The following ZNF512 variants were observed in gnomAD, a reference collection of about 807,000 sequenced individuals.
ZNF512 encodes the protein zinc finger protein 512.
A neutral mutation model predicts 77.5 loss-of-function variants in ZNF512; 25 were observed. The ratio of observed to expected loss-of-function variants is 0.32; its 90% CI spans 0.23 to 0.45. The LOEUF is 0.45. Among genes scored for constraint, ZNF512 ranks in the 20% least tolerant of loss-of-function variants. The pLI is 1.00. For synonymous variants in ZNF512, 246 were observed against 239.9 expected, an observed-to-expected ratio of 1.03 and a Z score of -0.24; for missense variants, 483 against 692.6, an observed-to-expected ratio of 0.70 and a Z score of 3.40.
chr2:27,602,924 A>G (rs1672184196), intron 8 of ZNF512, among the ~76,000 whole-genome samples: 1 of 152,210 alleles, frequency 6.6e-6, no homozygotes, highest in South Asian at 2.1e-4. Context: ...ATAGTTTATC[A>G]AGGGCTGACT....
intron 13 of ZNF512, 21 bp downstream of exon 13, chr2:27,617,592 TG>T (rs1384356366): frequency 1.1e-6 from 1 of 889,098 alleles, no homozygotes; most frequent in Non-Finnish European, 1.9e-6. Flanking sequence ...TGTAATCCTG[TG>T]GGCCTGATAT....
chr2:27,621,367 C>T lies in ZNF512; in HGVS notation c.1610C>T (p.Ser537Leu). The change falls in exon 14 of 14, where the codon TCA becomes TTA. Residue 537 changes from serine to leucine, a missense_variant. Transcript: ENST00000355467. ...AGGAATAATGAGGAACTGGTAGTGT[C>T]AGCCTCCTGTAAGGAACCAGAGCAG... ...QRRNNEELVV[S>L]ASCKEPEQEP... 1 of 1,614,118 alleles carries T rather than the reference C, an allele frequency of 6.2e-7. No individual in the cohort carries two copies. Among genetic ancestry groups the T allele is most frequent in the South Asian group, 1.1e-5 (1 of 91,068 alleles).
intron 13 of ZNF512, among the ~76,000 whole-genome samples, chr2:27,619,977 T>G (rs1053507604): frequency 1.3e-5 from 2 of 152,200 alleles, no homozygotes; most frequent in African/African-American, 4.8e-5. Context: ...TTTTCAGAGT[T>G]GATTTTTCAA....
intron 2 of ZNF512, 94 bp downstream of exon 2, chr2:27,583,810 T>G (rs1268467312): frequency 7.2e-7 from 1 of 1,393,492 alleles, no homozygotes; most frequent in African/African-American, 1.4e-5. Context: ...GTATCTGCAT[T>G]GTCCAGTATC....
In ZNF512 at chr2:27,599,761, T is replaced by C. The variant is rs1035016573; in HGVS notation, c.373+83T>C. 8.7e-6 allele frequency: 12 copies of C among 1,378,386 alleles called. No individual in the cohort carries two copies. In the East Asian group the frequency reaches 2.6e-4, roughly 30 times the overall value. 85.4% of individuals were successfully genotyped at this position (1,378,386 alleles called of 1,614,324 possible). A position where few individuals can be genotyped will look rare whatever the true frequency, so the allele number is the denominator to read the frequency against. On this transcript the variant is annotated intron_variant, in intron 4 of 13. Transcript: ENST00000355467. ...GGGTAAAGGAAAGAGAAGCCTTAGT[T>C]TGAGCCCTTCAGTGACCTCTGAGCC...
chr2:27,585,339 A>C (rs1671278965), intron 2 of ZNF512, among the ~76,000 whole-genome samples: 1 of 152,260 alleles, frequency 6.6e-6, no homozygotes, highest in Non-Finnish European at 1.5e-5. Flanking sequence ...ACAAGCTGAG[A>C]GTTTTAATGA....
intron 9 of ZNF512, among the ~76,000 whole-genome samples, chr2:27,603,922 A>T (rs369035228): frequency 9.3e-5 from 14 of 150,806 alleles, no homozygotes; most frequent in East Asian, 3.9e-4. Context: ...TTAATTAATT[A>T]ATTTATGTAT....
At chr2:27,612,278 A>G (rs1672699173) in intron 10 of ZNF512, among the ~76,000 whole-genome samples, 1 of 152,140 alleles carries the variant, frequency 6.6e-6, no homozygotes, top group Non-Finnish European at 1.5e-5. Context: ...ACTTTATGAC[A>G]TGATAAGACA....
intron 3 of ZNF512, among the ~76,000 whole-genome samples, chr2:27,598,796 T>C (rs1671985629): frequency 6.6e-6 from 1 of 152,168 alleles, no homozygotes; most frequent in African/African-American, 2.4e-5. Flanking sequence ...ATTTAGCATT[T>C]GATTTTCCTC....
chr2:27,597,172 T>C (rs781527815), intron 2 of ZNF512, among the ~76,000 whole-genome samples: 1 of 152,232 alleles, frequency 6.6e-6, no homozygotes, highest in Non-Finnish European at 1.5e-5. Flanking sequence ...TCTCTATGTG[T>C]AATTCTTATT....
chr2:27,620,587 A>T (rs886480532), intron 13 of ZNF512, among the ~76,000 whole-genome samples: 1 of 152,144 alleles, frequency 6.6e-6, no homozygotes, highest in Admixed American at 6.5e-5. Flanking sequence ...GGCTTTTCCT[A>T]TGAATTGGTA....
At chr2:27,610,544 G>GTGTGTGCATATATATATATATATA (rs1413007886) in intron 10 of ZNF512, among the ~76,000 whole-genome samples, 1 of 32,654 alleles carries the variant, frequency 3.1e-5, no homozygotes, top group African/African-American at 1.5e-4. Context: ...ATATGTGTGT[G>GTGTGTGCATATATATATATATATA]TATATATATA....
At chr2:27,595,303 CT>C (rs1296299471) in intron 2 of ZNF512, among the ~76,000 whole-genome samples, 283 of 134,032 alleles carry the variant, frequency 2.1e-3, no homozygotes, top group Admixed American at 3.6e-3. Flanking sequence ...CTTTTCTTTT[CT>C]TTTTTTTTTT....
At chr2:27,609,610 T>G (rs1263407887) in intron 10 of ZNF512, among the ~76,000 whole-genome samples, 2 of 152,172 alleles carry the variant, frequency 1.3e-5, no homozygotes, top group African/African-American at 2.4e-5. Context: ...GGCTCACACC[T>G]GTAATCCCAG....
intron 10 of ZNF512, among the ~76,000 whole-genome samples, chr2:27,611,217 A>G (rs966986226): frequency 6.6e-6 from 1 of 152,168 alleles, no homozygotes; most frequent in Non-Finnish European, 1.5e-5. Flanking sequence ...TTACATAACC[A>G]TATCTTAGGA....
At chr2:27,613,760 T>C (rs1226466828) in intron 10 of ZNF512, among the ~76,000 whole-genome samples, 1 of 152,130 alleles carries the variant, frequency 6.6e-6, no homozygotes, top group Non-Finnish European at 1.5e-5. Flanking sequence ...AAGGGTCAAC[T>C]GTGTAACCTG....
intron 10 of ZNF512, among the ~76,000 whole-genome samples, chr2:27,611,302 C>T (rs1030182262): frequency 1.3e-5 from 2 of 152,090 alleles, no homozygotes; most frequent in Non-Finnish European, 2.9e-5. Flanking sequence ...GTTCCCCTGG[C>T]TTTGTCTTTT....
At chr2:27,595,321 G>A (rs1011980456) in intron 2 of ZNF512, among the ~76,000 whole-genome samples, 1 of 131,168 alleles carries the variant, frequency 7.6e-6, no homozygotes, top group African/African-American at 3.0e-5. Flanking sequence ...TTTTTTTTGA[G>A]ATGGAGTCTC....
Position 27,598,139 on chromosome 2 carries a change from T to C in ZNF512, c.162T>C (p.Gly54=). 1.2e-6 allele frequency: 2 copies of C among 1,614,080 alleles called. No individual in the cohort carries two copies. Among genetic ancestry groups the C allele is most frequent in the Non-Finnish European group, 1.7e-6 (2 of 1,179,958 alleles). Residue 54 remains glycine (G), a synonymous_variant, in exon 3 of 14, where the codon GGT becomes GGC. Transcript: ENST00000355467. ...TCCCTCATGATGACTCCTTAAGTGGTTCATCGTCTGCATCTTCGTGTGAAC... is the reference window on the plus strand; with the variant it reads ...TCCCTCATGATGACTCCTTAAGTGGCTCATCGTCTGCATCTTCGTGTGAAC... ...YTIPHDDSLS[G]SSSASSCEPV... is the part of the protein sequence containing the mutation.
Sources: gnomAD v4.1 joint callset for allele counts (sites outside exome capture counted in the v4.1 genomes callset) on GRCh38, gnomAD v4.1.1 for gene constraint, MANE v1.5 for transcripts, NCBI Gene and HGNC (gene_info 2026-07-23, HGNC 2026-07-21) for gene names.